The following LRRC4C variants were observed in gnomAD, a reference collection of about 807,000 sequenced individuals.
The protein encoded by LRRC4C is leucine rich repeat containing 4C, also known as leucine-rich repeat-containing protein 4C.
Under a neutral mutation model 33.6 loss-of-function variants are expected in LRRC4C, and 5 were observed. The observed-to-expected ratio is 0.15, with a 90% CI of 0.08 to 0.31. The LOEUF (loss-of-function observed/expected upper bound fraction) is 0.31. LRRC4C is among the 10% of genes least tolerant of loss of function. The probability of loss-of-function intolerance (pLI) is 1.00; values close to 1 mark genes in which losing one functional copy is unlikely to be tolerated. For synonymous variants in LRRC4C, 329 were observed against 302.0 expected, an observed-to-expected ratio of 1.09 and a Z score of -0.93; for missense variants, 560 against 796.7, an observed-to-expected ratio of 0.70 and a Z score of 3.58.
intron 1 of LRRC4C, among the ~76,000 whole-genome samples, chr11:41,049,499 T>C (rs1590354769): frequency 6.6e-6 from 1 of 152,148 alleles, no homozygotes; most frequent in African/African-American, 2.4e-5. Flanking sequence ...AAAGTTAATT[T>C]CATTGATGTT....
At chr11:41,030,178 A>G (rs1856630271) in intron 1 of LRRC4C, among the ~76,000 whole-genome samples, 2 of 151,962 alleles carry the variant, frequency 1.3e-5, no homozygotes, top group Non-Finnish European at 2.9e-5. Context: ...GCTAGCTTGA[A>G]ATATGAAAAA....
At chr11:41,169,269 A>G (rs1446012653) in intron 1 of LRRC4C, among the ~76,000 whole-genome samples, 3 of 152,182 alleles carry the variant, frequency 2.0e-5, no homozygotes, top group African/African-American at 4.8e-5. Flanking sequence ...TTAAAAAGAA[A>G]GTCACAAATT....
intron 4 of LRRC4C, among the ~76,000 whole-genome samples, chr11:40,291,863 T>A (rs1018204132): frequency 6.6e-6 from 1 of 151,968 alleles, no homozygotes; most frequent in Non-Finnish European, 1.5e-5. Context: ...GACAAACAAC[T>A]TAAATGCATT....
chr11:40,189,330 A>C (rs1402119622), intron 5 of LRRC4C, among the ~76,000 whole-genome samples: 1 of 152,194 alleles, frequency 6.6e-6, no homozygotes, highest in African/African-American at 2.4e-5. Context: ...TCGTTCTATA[A>C]ATCCTGGTTC....
intron 3 of LRRC4C, among the ~76,000 whole-genome samples, chr11:40,376,546 C>A (rs769000164): frequency 2.0e-5 from 3 of 152,056 alleles, no homozygotes; most frequent in African/African-American, 7.2e-5. Context: ...GGATTTAAAC[C>A]GATAAACTCC....
intron 5 of LRRC4C, among the ~76,000 whole-genome samples, chr11:40,207,349 G>A (rs1863235747): frequency 6.6e-6 from 1 of 152,170 alleles, no homozygotes; most frequent in Non-Finnish European, 1.5e-5. Context: ...CTTAATCCTA[G>A]CACTTTGGGG....
intron 4 of LRRC4C, chr11:40,292,722 T>G (rs1467393264): frequency 6.6e-6 from 1 of 151,572 alleles, no homozygotes; most frequent in Admixed American, 6.6e-5. Flanking sequence ...CCCCCGCGGG[T>G]CTAACTCTGG....
chr11:40,666,966 A>G (rs1342873500), intron 2 of LRRC4C, among the ~76,000 whole-genome samples: 1 of 152,176 alleles, frequency 6.6e-6, no homozygotes, highest in Non-Finnish European at 1.5e-5. Context: ...TTGAATTCAA[A>G]TTGCCATCAA....
At chr11:40,181,826 A>G (rs1861028403) in intron 5 of LRRC4C, among the ~76,000 whole-genome samples, 1 of 152,198 alleles carries the variant, frequency 6.6e-6, no homozygotes, top group South Asian at 2.1e-4. Flanking sequence ...TTTGCCCATC[A>G]GGGCCAGAGC....
chr11:40,672,130 T>C (rs2136279598), intron 2 of LRRC4C, among the ~76,000 whole-genome samples: 1 of 152,254 alleles, frequency 6.6e-6, no homozygotes, highest in East Asian at 1.9e-4. Flanking sequence ...TTCTCACAGT[T>C]CTGTAGAATG....
intron 3 of LRRC4C, among the ~76,000 whole-genome samples, chr11:40,353,254 G>A (rs896570350): frequency 5.9e-5 from 9 of 151,728 alleles, no homozygotes; most frequent in African/African-American, 2.2e-4. Flanking sequence ...TGTAGTTGTA[G>A]TTCATTCTTT....
intron 2 of LRRC4C, among the ~76,000 whole-genome samples, chr11:40,771,856 G>T (rs1368285173): frequency 1.3e-5 from 2 of 152,150 alleles, no homozygotes; most frequent in African/African-American, 4.8e-5. Flanking sequence ...CATTCAACAA[G>T]TCTCTAGGAA....
chr11:40,459,591 C>T (rs1952294694), intron 3 of LRRC4C, among the ~76,000 whole-genome samples: 1 of 152,130 alleles, frequency 6.6e-6, no homozygotes, highest in Admixed American at 6.6e-5. Context: ...TTAATGATTA[C>T]ATTATAAAGC....
chr11:40,807,472 G>A (rs960396926), intron 2 of LRRC4C, among the ~76,000 whole-genome samples: 3 of 119,764 alleles, frequency 2.5e-5, no homozygotes, highest in Admixed American at 2.4e-4. Context: ...GATGGAAACA[G>A]CTTTACTCCA....
At chr11:40,889,423 T>C (rs1955604891) in intron 2 of LRRC4C, among the ~76,000 whole-genome samples, 1 of 152,054 alleles carries the variant, frequency 6.6e-6, no homozygotes, top group Non-Finnish European at 1.5e-5. Flanking sequence ...GCTTCCATTG[T>C]GGGGAGAGTT....
At chr11:40,816,150 A>G (rs909144394) in intron 2 of LRRC4C, among the ~76,000 whole-genome samples, 1 of 152,176 alleles carries the variant, frequency 6.6e-6, no homozygotes, top group Non-Finnish European at 1.5e-5. Context: ...CTGACAGTTT[A>G]TAAGTTTTAC....
At chr11:41,180,936 G>A (rs563622363) in intron 1 of LRRC4C, among the ~76,000 whole-genome samples, 123 of 152,056 alleles carry the variant, frequency 8.1e-4, no homozygotes, top group African/African-American at 2.6e-3. Context: ...AGATCTTAGC[G>A]CACATCCTCA....
intron 1 of LRRC4C, among the ~76,000 whole-genome samples, chr11:40,950,158 A>G (rs1192046826): frequency 6.6e-6 from 1 of 151,932 alleles, no homozygotes; most frequent in Non-Finnish European, 1.5e-5. Context: ...CCTCAGAATC[A>G]TAAGAGCACT....
At chr11:40,354,767 G>A (rs72895016) in intron 3 of LRRC4C, among the ~76,000 whole-genome samples, 11,257 of 152,118 alleles carry the variant, frequency 0.074, 455 homozygotes, top group Admixed American at 0.091. Flanking sequence ...GGGTTCAAAA[G>A]TGCTGCTCAG....
Sources: allele counts gnomAD v4.1 joint callset (sites outside exome capture counted in the v4.1 genomes callset), GRCh38; gene constraint gnomAD v4.1.1; transcripts MANE v1.5; gene names NCBI Gene and HGNC (gene_info 2026-07-23, HGNC 2026-07-21).